CERS1: variants seen among roughly 807,000 people sequenced by gnomAD.
CERS1 encodes the protein Embryonic growth/differentiation factor 1.
In CERS1, 16 loss-of-function variants were observed where a neutral mutation model predicts 35.7. The observed-to-expected ratio is 0.45, with a 90% confidence interval of 0.30 to 0.68. The LOEUF is 0.68. CERS1 is among the 30% of genes least tolerant of loss of function. The pLI, the probability that CERS1 is intolerant of heterozygous loss-of-function variation, is 0.08. For synonymous variants in CERS1, 243 were observed against 201.6 expected (o/e 1.21, Z -1.74); for missense variants, 454 against 453.9 (o/e 1.00, Z 0.00).
In CERS1 at chr19:18,870,225, CG is replaced by C; in HGVS notation, c.*351del. On this transcript the variant is annotated 3_prime_UTR_variant, in exon 7 of 8. Coordinates refer to ENST00000623882, the MANE Select transcript of CERS1 (RefSeq NM_021267.5). This position sits in a 1 kb window ranked among gnomAD's most constrained non-coding sequence, Gnocchi z 5.1. Reference sequence around the variant, plus strand: ...GGCTGGGCCTGGGGGCACGGGGGCGCGGGTCAGGGGCAGCGAGGGCAGCAGC... The same window carrying C: ...GGCTGGGCCTGGGGGCACGGGGGCGCGGTCAGGGGCAGCGAGGGCAGCAGC... 6.5e-7 allele frequency: 1 copy of C among 1,547,530 alleles called. No individual in the cohort carries two copies.
chr19:18,883,144 A>G (rs1277908824), intron 3 of CERS1: 1 of 152,190 alleles, frequency 6.6e-6, no homozygotes, highest in Non-Finnish European at 1.5e-5. Flanking sequence ...AAGTCTAATT[A>G]AAGTTGAAAG....
rs2055939531 is a variant in CERS1 at position 18,870,128 on chromosome 19, C to T, written c.*449G>A. On this transcript the variant is annotated 3_prime_UTR_variant, in exon 7 of 8. Transcript: ENST00000623882. This position sits in a 1 kb window ranked among gnomAD's most constrained non-coding sequence, Gnocchi z 5.1. ...GGCGTCGAAACAGGCGCCACATGAC[C>T]GGGGGAACCGGCCGGAGCCTGGGGG... The T allele has an allele frequency of 5.1e-6, 8 of 1,565,866 alleles. No homozygotes were observed. The highest frequency in any genetic ancestry group is 2.3e-5 in the East Asian group (1 of 43,690).
rs1016383330 is a variant in CERS1, at chr19:18,893,286, C to T, written c.409+130G>A. The T allele has an allele frequency of 3.6e-5, 36 of 1,004,682 alleles. No individual in the cohort carries two copies. The East Asian group carries it at 9.5e-4, about 26-fold the overall frequency. 62.2% of individuals were successfully genotyped at this position (1,004,682 alleles called of 1,614,324 possible). A position where few individuals can be genotyped will look rare whatever the true frequency, so the allele number is the denominator to read the frequency against. On this transcript the variant is annotated intron_variant, in intron 2 of 7. Coordinates refer to ENST00000623882, the MANE Select transcript of CERS1 (RefSeq NM_021267.5). ...CTGGAGTGCAGTGGCGTGCTCATAG[C>T]TCCCCTTGGCCTCCAACTCCTGGGC...
At position 18,873,590 on chromosome 19, in the gene CERS1, C is replaced by CACTT. The variant is rs536502863; in HGVS notation, c.1011-2975_1011-2972dup. ...TGGTGGCTGATACCTGTAATCCTAG[C>CACTT]ACTTTGGGAGGCCAAGATGGGTGGA... On this transcript the variant is annotated intron_variant, in intron 6 of 7. Coordinates refer to ENST00000623882, the MANE Select transcript of CERS1 (RefSeq NM_021267.5). Among the ~76,000 whole-genome samples, 319 of 152,120 alleles carry CACTT rather than the reference C, an allele frequency of 2.1e-3. 2 individuals are homozygous for CACTT. The highest frequency in any genetic ancestry group is 7.4e-3 in the African/African-American group (306 of 41,506).
chr19:18,893,364 C>A (rs970979848), intron 2 of CERS1, 52 bp downstream of exon 2: 3 of 1,536,460 alleles, frequency 2.0e-6, no homozygotes, highest in Non-Finnish European at 2.6e-6. Flanking sequence ...ACAAGCCTGG[C>A]GTCTTTGTGT....
intron 7 of CERS1, among the ~76,000 whole-genome samples, chr19:18,869,592 G>A (rs1449044955): frequency 6.6e-6 from 1 of 151,262 alleles, no homozygotes; most frequent in Admixed American, 6.6e-5. Context: ...GCGGCGGGGG[G>A]GGTGGGCTGC....
At chr19:18,877,704 G>A (rs1367954652) in intron 6 of CERS1, among the ~76,000 whole-genome samples, 3 of 147,368 alleles carry the variant, frequency 2.0e-5, no homozygotes, top group East Asian at 2.0e-4. Context: ...GCAGCGAGCC[G>A]AGATCGTGCC....
Position 18,895,863 on chromosome 19 carries a change from C to A in CERS1, c.210G>T (p.Trp70Cys). 1 of 1,294,710 alleles carries A rather than the reference C, an allele frequency of 7.7e-7. No individual in the cohort carries two copies. The highest frequency in any genetic ancestry group is 9.8e-7 in the Non-Finnish European group (1 of 1,021,904). The allele number at this position is 1,294,710 out of a possible 1,614,324, so 80.2% of individuals were successfully genotyped here. A position where few individuals can be genotyped will look rare whatever the true frequency, so the allele number is the denominator to read the frequency against. Residue 70 changes from tryptophan (W) to cysteine (C), a missense_variant, in exon 1 of 8, where the codon TGG becomes TGT. Coordinates refer to ENST00000623882, the MANE Select transcript of CERS1 (RefSeq NM_021267.5). The surrounding 1 kb of genome is among the most constrained non-coding windows in gnomAD (Gnocchi z 6.4). ...LLLLALGALG[W>C]TALRSAATAR... is the part of the protein sequence containing the mutation. ...CAGTGGCCGCGGAGCGCAGGGCGGT[C>A]CAGCCCAGCGCGCCGAGCGCCAGCA...
In CERS1 at chr19:18,878,562, C is replaced by T. The variant is rs1290575995; in HGVS notation, c.1010+368G>A. 1.5e-5 allele frequency: 16 copies of T among 1,040,242 alleles called. No homozygotes were observed. The highest frequency in any genetic ancestry group is 1.5e-4 in the Admixed American group (3 of 19,886). 64.4% of individuals were successfully genotyped at this position (1,040,242 alleles called of 1,614,324 possible). On this transcript the variant is annotated intron_variant, in intron 6 of 7. Coordinates refer to ENST00000623882, the MANE Select transcript of CERS1 (RefSeq NM_021267.5). This position sits in a 1 kb window ranked among gnomAD's most constrained non-coding sequence, Gnocchi z 4.6. Reference sequence around the variant, plus strand: ...GCCCCACTGCCACCAGCTCCAGTGGCGACATGGGTCAGAGGTCGTCATCCA... The same window carrying T: ...GCCCCACTGCCACCAGCTCCAGTGGTGACATGGGTCAGAGGTCGTCATCCA...
At chr19:18,894,419 CAAG>C (rs966964061) in intron 1 of CERS1, among the ~76,000 whole-genome samples, 5 of 152,156 alleles carry the variant, frequency 3.3e-5, no homozygotes, top group Admixed American at 2.0e-4. Flanking sequence ...AGGCTGCTGC[CAAG>C]AAGATCAGCT....
rs1256768603 is a variant in CERS1 at position 18,896,105 on chromosome 19, C to T, written c.-33G>A. The T allele has an allele frequency of 2.4e-5, 21 of 862,854 alleles. No homozygotes were observed. In the South Asian group the frequency reaches 9.3e-4, roughly 38 times the overall value. The allele number at this position is 862,854 out of a possible 1,614,324, so 53.4% of individuals were successfully genotyped here. A position where few individuals can be genotyped will look rare whatever the true frequency, so the allele number is the denominator to read the frequency against. ...GCTCGCCCGCCGTGCCCGTCGCCTGCGCCCGCCCGCGGTAGCCGACGGAGC... is the reference window on the plus strand; with the variant it reads ...GCTCGCCCGCCGTGCCCGTCGCCTGTGCCCGCCCGCGGTAGCCGACGGAGC... On this transcript the variant is annotated 5_prime_UTR_variant, in exon 1 of 8. Transcript: ENST00000623882. This position sits in a 1 kb window ranked among gnomAD's most constrained non-coding sequence, Gnocchi z 5.9.
At position 18,893,450 on chromosome 19, in the gene CERS1, G is replaced by A. The variant is rs1178970608; in HGVS notation, c.375C>T (p.Tyr125=). ...CAGATGGTGGGTCATGGAAGAAGGG[G>A]TAGTCGGTGCCAAACAGCAGGTAGG... ...YSAYLLFGTD[Y]PFFHDPPSVF... is the part of the protein sequence containing the mutation. Residue 125 remains tyrosine, a synonymous_variant, in exon 2 of 8, where the codon TAC becomes TAT. Transcript: ENST00000623882. 1 of 1,606,334 alleles carries A rather than the reference G, an allele frequency of 6.2e-7. No individual in the cohort carries two copies. Among genetic ancestry groups the A allele is most frequent in the South Asian group, 1.1e-5 (1 of 89,492 alleles).
At position 18,895,411 on chromosome 19, in the gene CERS1, T is replaced by A. The variant is rs2056600971; in HGVS notation, c.249+413A>T. On this transcript the variant is annotated intron_variant, in intron 1 of 7. Coordinates refer to ENST00000623882, the MANE Select transcript of CERS1 (RefSeq NM_021267.5). This position sits in a 1 kb window ranked among gnomAD's most constrained non-coding sequence, Gnocchi z 6.4. The stretch of plus-strand genomic sequence containing the variant: ...TCCCGGTCCTGGGCTTCTCAGTGTC[T>A]GGCTCGGCCCTGCCGGAAAGAGCGC... Among the ~76,000 whole-genome samples the A allele has an allele frequency of 1.3e-5, 2 of 152,058 alleles. No homozygotes were observed. Among genetic ancestry groups the A allele is most frequent in the Admixed American group, 1.3e-4 (2 of 15,286 alleles).
rs950914591 is a variant in CERS1, at chr19:18,869,485, C to T, written c.*595-95G>A. ...ACAGGGAGGAAGGTGAACGCTGGGG[C>T]TCGGGGCGCACCGTCTGTGGGAAGG... On this transcript the variant is annotated intron_variant, in intron 7 of 7. Coordinates refer to ENST00000623882, the MANE Select transcript of CERS1 (RefSeq NM_021267.5). 8.6e-6 allele frequency: 12 copies of T among 1,402,866 alleles called. No individual in the cohort carries two copies. The African/African-American group carries it at 1.6e-4, about 19-fold the overall frequency. The allele number at this position is 1,402,866 out of a possible 1,614,324, so 86.9% of individuals were successfully genotyped here.
At position 18,879,042 on chromosome 19, in the gene CERS1, G is replaced by A; in HGVS notation, c.901-3C>T. 6.2e-7 allele frequency: 1 copy of A among 1,613,192 alleles called. No individual in the cohort carries two copies. Among genetic ancestry groups the A allele is most frequent in the Non-Finnish European group, 8.5e-7 (1 of 1,179,784 alleles). ...TTGGCTGCAAACGCCACGATGTACT[G>A]CGAGAGGGGAGGGGAGGTGCCAGTG... On this transcript the variant is annotated splice_polypyrimidine_tract_variant and splice_region_variant and intron_variant, in intron 5 of 7. Transcript: ENST00000623882.
chr19:18,877,756 CAA>C (rs386388683), intron 6 of CERS1, among the ~76,000 whole-genome samples: 10 of 103,958 alleles, frequency 9.6e-5, no homozygotes, highest in Admixed American at 1.1e-4. Context: ...GACCCTGTCT[CAA>C]AAAAAAAAAA....
At chr19:18,885,535 T>TTTTGAGATGGAGTC in intron 2 of CERS1, among the ~76,000 whole-genome samples, 2 of 146,034 alleles carry the variant, frequency 1.4e-5, no homozygotes, top group East Asian at 2.0e-4. Flanking sequence ...TTTTTTTTTT[T>TTTTGAGATGGAGTC]TTGAGATGGA....
chr19:18,895,760 A>G lies in CERS1; in HGVS notation c.249+64T>C. 3 of 935,112 alleles carry G rather than the reference A, an allele frequency of 3.2e-6. No individual in the cohort carries two copies. The highest frequency in any genetic ancestry group is 3.2e-5 in the South Asian group (1 of 31,488). The allele number at this position is 935,112 out of a possible 1,614,324, so 57.9% of individuals were successfully genotyped here. ...AAGAAAGGAACGCGCCGGCGGCCCCAGGTCCCCGGTCCCGGCTTCCCCCAG... is the reference window on the plus strand; with the variant it reads ...AAGAAAGGAACGCGCCGGCGGCCCCGGGTCCCCGGTCCCGGCTTCCCCCAG... On this transcript the variant is annotated intron_variant, in intron 1 of 7. Transcript: ENST00000623882. This position sits in a 1 kb window ranked among gnomAD's most constrained non-coding sequence, Gnocchi z 6.4.
intron 2 of CERS1, among the ~76,000 whole-genome samples, chr19:18,891,848 G>A (rs950658659): frequency 3.3e-5 from 5 of 150,930 alleles, no homozygotes. Context: ...TAGGATTACA[G>A]GTGTGAGCCA....
Sources: gnomAD v4.1 joint callset for allele counts (sites outside exome capture counted in the v4.1 genomes callset) on GRCh38, gnomAD v4.1.1 for gene constraint, Gnocchi (gnomAD v3.1) non-coding constraint, MANE v1.5 for transcripts, NCBI Gene and HGNC (gene_info 2026-07-23, HGNC 2026-07-21) for gene names.